Variants in RTN4R observed in about 807,000 individuals in gnomAD.
RTN4R encodes the protein reticulon-4 receptor.
RTN4R carries 4 observed loss-of-function variants against 27.7 expected under a neutral mutation model. The ratio of observed to expected loss-of-function variants is 0.14; its 90% confidence interval spans 0.07 to 0.33. RTN4R has a LOEUF of 0.33. RTN4R is among the 10% of genes least tolerant of loss of function. The pLI, the probability that RTN4R is intolerant of heterozygous loss-of-function variation, is 1.00. For synonymous variants in RTN4R, 290 were observed against 305.6 expected, an observed-to-expected ratio of 0.95 and a Z score of 0.53; for missense variants, 554 against 671.5, an observed-to-expected ratio of 0.83 and a Z score of 1.93.
intron 1 of RTN4R, 68 bp from the exon 2 acceptor site, chr22:20,243,178 G>C: frequency 6.6e-7 from 1 of 1,505,506 alleles, no homozygotes; most frequent in Non-Finnish European, 9.0e-7. Flanking sequence ...GGTTTTGCTA[G>C]AGCCAGGTGG....
rs529806719 is a variant in RTN4R, at chr22:20,241,619, G to A, written c.*92C>T. On this transcript the variant is annotated 3_prime_UTR_variant, in exon 2 of 2. Transcript: ENST00000043402. Reference sequence around the variant, plus strand: ...GAGGACCTGGCCTGGCCTGCCCCACGGGTCGGCCGCCCGGCTGGCTTGGCG... The same window carrying A: ...GAGGACCTGGCCTGGCCTGCCCCACAGGTCGGCCGCCCGGCTGGCTTGGCG... The A allele has an allele frequency of 3.4e-4, 492 of 1,443,504 alleles. 1 individual carries two copies. Among genetic ancestry groups the A allele is most frequent in the South Asian group, 8.9e-4 (71 of 79,692 alleles). 89.4% of individuals were successfully genotyped at this position (1,443,504 alleles called of 1,614,324 possible).
intron 1 of RTN4R, among the ~76,000 whole-genome samples, chr22:20,260,207 C>T (rs531230752): frequency 2.0e-5 from 3 of 152,240 alleles, no homozygotes; most frequent in African/African-American, 7.2e-5. Flanking sequence ...CATCTGTAGC[C>T]CCCACGGGAG....
rs1168841995 is a variant in RTN4R at position 20,268,267 on chromosome 22, GGT to G, written c.-177_-176del. On this transcript the variant is annotated 5_prime_UTR_variant, in exon 1 of 2. Transcript: ENST00000043402. ...CGGCTCTGGCTGGGCTCGGGCCGCG[GGT>G]GCGCAGGGCGCGCAGGGCGCACAGG... 48 of 158,416 alleles carry G rather than the reference GGT, an allele frequency of 3.0e-4. No homozygotes were observed. Among genetic ancestry groups the G allele is most frequent in the East Asian group, 3.9e-4 (2 of 5,158 alleles). 9.8% of individuals were successfully genotyped at this position (158,416 alleles called of 1,614,324 possible).
chr22:20,259,447 C>T (rs552020534), intron 1 of RTN4R, among the ~76,000 whole-genome samples: 2 of 152,150 alleles, frequency 1.3e-5, no homozygotes, highest in South Asian at 2.1e-4. Flanking sequence ...CAGCCGGGTG[C>T]GCAGGGCCCA....
rs555630436 is a variant in RTN4R, at chr22:20,261,537, G to C, written c.22+6534C>G. On this transcript the variant is annotated intron_variant, in intron 1 of 1. Transcript: ENST00000043402. The stretch of plus-strand genomic sequence containing the variant: ...TGCGGACAGGGAGGCTCAGAGGGTA[G>C]GTGGCTCCCCGGGGGAAACAGAGCA... 2.7e-3 allele frequency among the ~76,000 whole-genome samples: 413 copies of C among 152,344 alleles called. 6 individuals are homozygous for C. Among genetic ancestry groups the C allele is most frequent in the Non-Finnish European group, 2.1e-3 (145 of 68,026 alleles).
chr22:20,258,611 G>C (rs1274355689), intron 1 of RTN4R, among the ~76,000 whole-genome samples: 1 of 152,198 alleles, frequency 6.6e-6, no homozygotes, highest in Non-Finnish European at 1.5e-5. Context: ...GTGAGCCACG[G>C]GGGGCTATGC....
At chr22:20,263,670 C>T (rs569597149) in intron 1 of RTN4R, among the ~76,000 whole-genome samples, 2 of 152,380 alleles carry the variant, frequency 1.3e-5, no homozygotes, top group Non-Finnish European at 2.9e-5. Context: ...GGCTTTCCAC[C>T]TGCCAGGCCT....
intron 1 of RTN4R, among the ~76,000 whole-genome samples, chr22:20,259,724 T>G (rs1360708980): frequency 1.3e-5 from 2 of 152,146 alleles, no homozygotes; most frequent in Non-Finnish European, 2.9e-5. Flanking sequence ...CTTCCAGACC[T>G]GGGGCCAGTG....
intron 1 of RTN4R, 59 bp downstream of exon 1, chr22:20,268,012 G>A: frequency 8.6e-6 from 9 of 1,052,320 alleles, no homozygotes; most frequent in South Asian, 9.2e-5. Flanking sequence ...GGGAGGGGGC[G>A]AGCCGCCCCC....
intron 1 of RTN4R, among the ~76,000 whole-genome samples, chr22:20,251,646 C>A (rs2051177895): frequency 6.6e-6 from 1 of 151,610 alleles, no homozygotes; most frequent in Non-Finnish European, 1.5e-5. Flanking sequence ...TCATCACCAT[C>A]CTCATCACCA....
At chr22:20,257,882 T>C (rs950182618) in intron 1 of RTN4R, among the ~76,000 whole-genome samples, 1 of 152,124 alleles carries the variant, frequency 6.6e-6, no homozygotes, top group Non-Finnish European at 1.5e-5. Context: ...TGATCGGCCC[T>C]GCAGGGCAGT....
chr22:20,241,704 C>G lies in RTN4R; in HGVS notation c.*7G>C. 1 of 1,549,388 alleles carries G rather than the reference C, an allele frequency of 6.5e-7. No individual in the cohort carries two copies. The highest frequency in any genetic ancestry group is 2.4e-5 in the East Asian group (1 of 40,906). On this transcript the variant is annotated 3_prime_UTR_variant, in exon 2 of 2. Coordinates refer to ENST00000043402, the MANE Select transcript of RTN4R (RefSeq NM_023004.6). ...GCTGCTGAGCACGCTCTTGTGTCCG[C>G]TGGGGGTCAGCAGGGCCCAAGCACT...
chr22:20,260,686 C>T (rs1482244826), intron 1 of RTN4R, among the ~76,000 whole-genome samples: 1 of 151,968 alleles, frequency 6.6e-6, no homozygotes, highest in Admixed American at 6.5e-5. Context: ...CGCCCTACCA[C>T]AACTGAGGAC....
intron 1 of RTN4R, among the ~76,000 whole-genome samples, chr22:20,244,193 C>T (rs1475529868): frequency 6.6e-6 from 1 of 152,264 alleles, no homozygotes; most frequent in Admixed American, 6.5e-5. Context: ...ACACCTTCCA[C>T]GGCAGCTGGC....
At chr22:20,258,193 G>C (rs1436359069) in intron 1 of RTN4R, among the ~76,000 whole-genome samples, 1 of 151,660 alleles carries the variant, frequency 6.6e-6, no homozygotes. Flanking sequence ...CCTGAAGCCA[G>C]CACCACCCGG....
At chr22:20,248,515 C>T (rs1023616043) in intron 1 of RTN4R, among the ~76,000 whole-genome samples, 7 of 152,228 alleles carry the variant, frequency 4.6e-5, no homozygotes, top group South Asian at 2.1e-4. Context: ...GACACATCAA[C>T]GTGGGCCACA....
Position 20,243,117 on chromosome 22 carries a change from G to A in RTN4R, c.23-7C>T. 1 of 1,598,470 alleles carries A rather than the reference G, an allele frequency of 6.3e-7. No homozygotes were observed. Among genetic ancestry groups the A allele is most frequent in the Non-Finnish European group, 8.5e-7 (1 of 1,179,576 alleles). On this transcript the variant is annotated splice_polypyrimidine_tract_variant and splice_region_variant and intron_variant, in intron 1 of 1. Transcript: ENST00000043402. ...CATGCCAGCAGCCGGCTCCCTGTGG[G>A]CAGAAGACAGAGTGGTTAGCAGGAA...
intron 1 of RTN4R, among the ~76,000 whole-genome samples, chr22:20,245,442 T>C (rs942185026): frequency 1.3e-5 from 2 of 152,210 alleles, no homozygotes; most frequent in South Asian, 2.1e-4. Context: ...CTTTGCAGCA[T>C]GGGTTTGTCT....
chr22:20,267,552 T>G, intron 1 of RTN4R: 4 of 464,406 alleles, frequency 8.6e-6, no homozygotes, highest in South Asian at 6.2e-5. Context: ...GGGACAACCC[T>G]GTCCCCCACG....
Sources: gnomAD v4.1 joint callset for allele counts (sites outside exome capture counted in the v4.1 genomes callset) on GRCh38, gnomAD v4.1.1 for gene constraint, MANE v1.5 for transcripts, NCBI Gene and HGNC (gene_info 2026-07-23, HGNC 2026-07-21) for gene names.